VPS53: variants seen among roughly 807,000 people sequenced by gnomAD.
VPS53 encodes VPS53 subunit of GARP complex.
VPS53 carries 70 observed loss-of-function variants against 107.0 expected under a neutral mutation model. The observed-to-expected ratio is 0.65, with a 90% CI of 0.54 to 0.80. VPS53 has a LOEUF of 0.80. Among genes scored for constraint, VPS53 ranks in the 30% least tolerant of loss-of-function variants. The pLI is 0.00. For synonymous variants in VPS53, 409 were observed against 393.3 expected, an observed-to-expected ratio of 1.04 and a Z score of -0.47; for missense variants, 917 against 1,049.4, an observed-to-expected ratio of 0.87 and a Z score of 1.74.
chr17:575,303 T>TA (rs2151871243), intron 13 of VPS53, among the ~76,000 whole-genome samples: 1 of 152,364 alleles, frequency 6.6e-6, no homozygotes, highest in East Asian at 1.9e-4. Flanking sequence ...GTCTTACTGT[T>TA]ACGGTTTAAG....
In VPS53 at chr17:655,620, C is replaced by T. The variant is rs79885967; in HGVS notation, c.488+218G>A. 0.022 allele frequency among the ~76,000 whole-genome samples: 3,395 copies of T among 152,292 alleles called. 62 individuals are homozygous for T. Among genetic ancestry groups the T allele is most frequent in the Non-Finnish European group, 0.034 (2,324 of 68,018 alleles). The stretch of plus-strand genomic sequence containing the variant: ...ATATTCTTGGAGTCGTCCTGAAAGG[C>T]TTCTGGGGTCCCCTTTTGACTAGCT... On this transcript the variant is annotated intron_variant, in intron 6 of 21. Transcript: ENST00000437048.
At chr17:575,813 C>T (rs1321731457) in intron 13 of VPS53, among the ~76,000 whole-genome samples, 1 of 149,656 alleles carries the variant, frequency 6.7e-6, no homozygotes, top group Admixed American at 6.7e-5. Context: ...AGACTTCCCT[C>T]AGGACCTAAT....
Position 655,979 on chromosome 17 carries a change from G to C in VPS53, c.373-26C>G, listed in dbSNP as rs757312987. Reference sequence around the variant, plus strand: ...CTAAACATTGAAAAACCACAAGAAAGAAAGGAAGACGGTCAAGAAAGATGT... The same window carrying C: ...CTAAACATTGAAAAACCACAAGAAACAAAGGAAGACGGTCAAGAAAGATGT... On this transcript the variant is annotated intron_variant, in intron 5 of 21. Transcript: ENST00000437048. 16 of 1,595,120 alleles carry C rather than the reference G, an allele frequency of 1.0e-5. No individual in the cohort carries two copies. In the Admixed American group the frequency reaches 1.5e-4, roughly 15 times the overall value.
chr17:584,778 G>C (rs986616132), intron 13 of VPS53, among the ~76,000 whole-genome samples: 6 of 152,030 alleles, frequency 3.9e-5, no homozygotes, highest in African/African-American at 1.5e-4. Flanking sequence ...CTCCTACCTT[G>C]GCCTCCCAAA....
rs941353750 is a variant in VPS53, at chr17:532,907, A to G, written c.2020T>C (p.Phe674Leu). 12 of 1,613,720 alleles carry G rather than the reference A, an allele frequency of 7.4e-6. No homozygotes were observed. Among genetic ancestry groups the G allele is most frequent in the Non-Finnish European group, 1.0e-5 (12 of 1,179,816 alleles). Residue 674 changes from phenylalanine (F) to leucine (L), a missense_variant, in exon 19 of 22, where the codon TTC becomes CTC. Physicochemically the swap from Phe to Leu is conservative, Grantham distance 22. Transcript: ENST00000437048. Reference protein sequence around the residue: ...TQFCVKFANSFIPKFITHLFK... With the variant: ...TQFCVKFANSLIPKFITHLFK... Reference sequence around the variant, plus strand: ...AGGTGGGTGATGAATTTGGGAATGAAGGAGCTGTGGATAAAAAAGAAGTGA... The same window carrying G: ...AGGTGGGTGATGAATTTGGGAATGAGGGAGCTGTGGATAAAAAAGAAGTGA...
At chr17:626,912 C>T (rs1597398911) in intron 10 of VPS53, among the ~76,000 whole-genome samples, 1 of 152,230 alleles carries the variant, frequency 6.6e-6, no homozygotes, top group African/African-American at 2.4e-5. Flanking sequence ...CACTGTAGGT[C>T]AATCTGGTGT....
chr17:670,123 C>T (rs1384640431), intron 4 of VPS53, among the ~76,000 whole-genome samples: 2 of 152,220 alleles, frequency 1.3e-5, no homozygotes, highest in East Asian at 1.9e-4. Flanking sequence ...TATACACACA[C>T]AGCCTGCATC....
chr17:658,043 G>C (rs556774242), intron 5 of VPS53, among the ~76,000 whole-genome samples: 14 of 41,854 alleles, frequency 3.3e-4, no homozygotes, highest in African/African-American at 1.4e-3. Context: ...ACTAAAGTGA[G>C]AAACTCGGCA....
chr17:594,896 CT>C (rs1967877854), intron 12 of VPS53, among the ~76,000 whole-genome samples: 1 of 70,114 alleles, frequency 1.4e-5, no homozygotes, highest in South Asian at 7.5e-4. Flanking sequence ...TAGTGTCCCC[CT>C]GGAGGAAGCT....
chr17:581,868 A>C (rs1967038365), intron 13 of VPS53, among the ~76,000 whole-genome samples: 1 of 151,688 alleles, frequency 6.6e-6, no homozygotes, highest in Non-Finnish European at 1.5e-5. Context: ...TCAGAACCTC[A>C]GTACATTCGC....
At chr17:685,583 T>C (rs1423360305) in intron 4 of VPS53, among the ~76,000 whole-genome samples, 4 of 152,220 alleles carry the variant, frequency 2.6e-5, no homozygotes, top group Non-Finnish European at 5.9e-5. Flanking sequence ...TAGGCTAAGC[T>C]ATGATGTTCA....
intron 10 of VPS53, 135 bp downstream of exon 10, chr17:627,039 C>G (rs1422985068): frequency 2.5e-6 from 3 of 1,188,812 alleles, no homozygotes; most frequent in Non-Finnish European, 3.4e-6. Flanking sequence ...CTGTGGGGTA[C>G]GAGGATGATA....
intron 11 of VPS53, among the ~76,000 whole-genome samples, chr17:608,825 C>T (rs1331910524): frequency 1.3e-5 from 2 of 152,076 alleles, no homozygotes; most frequent in Middle Eastern, 3.4e-3. Context: ...GTGGCCCAGG[C>T]TGGTCTCAAA....
Position 605,130 on chromosome 17 carries a change from C to A in VPS53, c.1117-3234G>T, listed in dbSNP as rs1232736585. ...TATGAGGGGTGGAGGGCGGAGGGAA[C>A]AGCACGTGTCTGCCGCTCACTCAAC... On this transcript the variant is annotated intron_variant, in intron 11 of 21. Transcript: ENST00000437048. Among the ~76,000 whole-genome samples the A allele has an allele frequency of 2.6e-5, 4 of 152,096 alleles. No homozygotes were observed. The East Asian group carries it at 7.8e-4, about 30-fold the overall frequency.
intron 12 of VPS53, among the ~76,000 whole-genome samples, chr17:591,951 G>T (rs1345737912): frequency 2.0e-5 from 3 of 152,106 alleles, no homozygotes; most frequent in Non-Finnish European, 4.4e-5. Flanking sequence ...TATCCTTGTT[G>T]ACTTTCTGTC....
intron 11 of VPS53, among the ~76,000 whole-genome samples, chr17:613,986 G>A (rs1211444110): frequency 6.6e-6 from 1 of 152,214 alleles, no homozygotes; most frequent in East Asian, 1.9e-4. Flanking sequence ...GGTAAGGCTC[G>A]CAGACACTGT....
chr17:598,847 G>C (rs1294943503), intron 12 of VPS53, among the ~76,000 whole-genome samples: 1 of 86,046 alleles, frequency 1.2e-5, no homozygotes, highest in African/African-American at 4.1e-5. Flanking sequence ...CCGCCCGGCA[G>C]CCACCCCGTC....
At chr17:620,931 A>C (rs1969444493) in intron 11 of VPS53, among the ~76,000 whole-genome samples, 1 of 152,114 alleles carries the variant, frequency 6.6e-6, no homozygotes, top group Non-Finnish European at 1.5e-5. Flanking sequence ...TTGTTACAAG[A>C]AAGGATTTGG....
At chr17:611,891 C>G (rs1402044882) in intron 11 of VPS53, among the ~76,000 whole-genome samples, 1 of 151,062 alleles carries the variant, frequency 6.6e-6, no homozygotes, top group Non-Finnish European at 1.5e-5. Flanking sequence ...AAAACCTGTA[C>G]TGATATTCAC....
Sources: gnomAD v4.1 joint callset for allele counts (sites outside exome capture counted in the v4.1 genomes callset) on GRCh38, gnomAD v4.1.1 for gene constraint, MANE v1.5 for transcripts, NCBI Gene and HGNC (gene_info 2026-07-23, HGNC 2026-07-21) for gene names.